The following SPOCK3 variants were observed in gnomAD, a reference collection of about 807,000 sequenced individuals.
SPOCK3 encodes SPARC (osteonectin), cwcv and kazal like domains proteoglycan 3, also known as testican-3.
Under a neutral mutation model 56.6 loss-of-function variants are expected in SPOCK3, and 30 were observed. The ratio of observed to expected loss-of-function variants is 0.53; its 90% CI spans 0.40 to 0.72. The LOEUF (loss-of-function observed/expected upper bound fraction) is 0.72, where lower values mean the gene tolerates loss of function less well. Ranked by LOEUF, SPOCK3 falls within the 30% of genes least tolerant of loss-of-function variation. The probability of loss-of-function intolerance (pLI) is 0.00; values close to 1 mark genes in which losing one functional copy is unlikely to be tolerated. For synonymous variants in SPOCK3, 196 were observed against 183.3 expected (o/e 1.07, Z -0.56); for missense variants, 527 against 530.0 (o/e 0.99, Z 0.06).
At chr4:167,176,478 A>G (rs1292362504) in intron 2 of SPOCK3, among the ~76,000 whole-genome samples, 1 of 152,234 alleles carries the variant, frequency 6.6e-6, no homozygotes, top group Admixed American at 6.5e-5. Flanking sequence ...AGAATTTCAA[A>G]TTGTATGTTT....
chr4:167,088,074 A>G (rs1003260866), intron 2 of SPOCK3, among the ~76,000 whole-genome samples: 2 of 152,202 alleles, frequency 1.3e-5, no homozygotes, highest in African/African-American at 4.8e-5. Flanking sequence ...TAGAAGCAAA[A>G]GTAAAGATGG....
At chr4:166,834,092 G>T (rs558397982) in intron 6 of SPOCK3, among the ~76,000 whole-genome samples, 1 of 152,260 alleles carries the variant, frequency 6.6e-6, no homozygotes, top group South Asian at 2.1e-4. Context: ...AGGGGTGAGA[G>T]AAATGTGTTC....
intron 2 of SPOCK3, among the ~76,000 whole-genome samples, chr4:167,073,772 T>C (rs1466739702): frequency 2.0e-5 from 3 of 151,956 alleles, no homozygotes; most frequent in African/African-American, 7.2e-5. Flanking sequence ...TGATGCATAG[T>C]TGCTATTACC....
chr4:166,873,557 T>C (rs542771241), intron 6 of SPOCK3, among the ~76,000 whole-genome samples: 1 of 152,266 alleles, frequency 6.6e-6, no homozygotes, highest in South Asian at 2.1e-4. Flanking sequence ...GTTGTGAACA[T>C]AAACTGCGGC....
chr4:167,165,354 T>C (rs1356648324), intron 2 of SPOCK3, among the ~76,000 whole-genome samples: 3 of 151,896 alleles, frequency 2.0e-5, no homozygotes, highest in African/African-American at 7.2e-5. Context: ...GGATCTTAAA[T>C]AAATGTACAA....
At chr4:167,130,603 G>A (rs529884177) in intron 2 of SPOCK3, among the ~76,000 whole-genome samples, 1 of 152,036 alleles carries the variant, frequency 6.6e-6, no homozygotes, top group South Asian at 2.1e-4. Flanking sequence ...TCCACCAGCA[G>A]TTTGCAACTA....
At chr4:167,170,842 T>C (rs1461992163) in intron 2 of SPOCK3, among the ~76,000 whole-genome samples, 1 of 152,168 alleles carries the variant, frequency 6.6e-6, no homozygotes, top group East Asian at 1.9e-4. Context: ...AGAGTTCAAG[T>C]GTTTCAACTT....
chr4:166,741,145 G>T (rs564291144), intron 9 of SPOCK3, among the ~76,000 whole-genome samples: 43 of 152,138 alleles, frequency 2.8e-4, no homozygotes, highest in Non-Finnish European at 4.6e-4. Flanking sequence ...TCCGTGAAAA[G>T]AAATATTGCA....
At chr4:167,135,436 CA>C (rs1054558955) in intron 2 of SPOCK3, among the ~76,000 whole-genome samples, 2 of 152,058 alleles carry the variant, frequency 1.3e-5, no homozygotes, top group African/African-American at 2.4e-5. Flanking sequence ...GGATTGTCAT[CA>C]GGGGAAGACA....
chr4:167,063,551 A>G (rs536347411), intron 2 of SPOCK3, among the ~76,000 whole-genome samples: 2 of 152,004 alleles, frequency 1.3e-5, no homozygotes, highest in East Asian at 3.9e-4. Context: ...TATCAATGTA[A>G]GGGGTATAAA....
intron 6 of SPOCK3, among the ~76,000 whole-genome samples, chr4:166,836,568 C>T (rs1195830396): frequency 6.6e-6 from 1 of 152,114 alleles, no homozygotes; most frequent in Non-Finnish European, 1.5e-5. Flanking sequence ...GAATTTACCT[C>T]AGTGAAGATT....
At chr4:166,890,224 C>T (rs942472936) in intron 5 of SPOCK3, among the ~76,000 whole-genome samples, 1 of 151,818 alleles carries the variant, frequency 6.6e-6, no homozygotes, top group Non-Finnish European at 1.5e-5. Context: ...TTCCACCACA[C>T]AGGTAATGGA....
intron 2 of SPOCK3, among the ~76,000 whole-genome samples, chr4:167,107,895 A>C (rs1183450691): frequency 6.6e-6 from 1 of 151,926 alleles, no homozygotes. Flanking sequence ...AAAAGAAGTG[A>C]AAGATTCCTT....
At chr4:167,082,565 G>A (rs1248831466) in intron 2 of SPOCK3, among the ~76,000 whole-genome samples, 1 of 152,010 alleles carries the variant, frequency 6.6e-6, no homozygotes. Flanking sequence ...CAGGCAATAT[G>A]ACTGTTTTAT....
intron 2 of SPOCK3, among the ~76,000 whole-genome samples, chr4:167,131,057 A>C (rs1324531463): frequency 6.6e-6 from 1 of 152,256 alleles, no homozygotes; most frequent in East Asian, 1.9e-4. Flanking sequence ...AATGTATATT[A>C]GTTGAATAAA....
At chr4:166,743,228 C>G (rs564033121) in intron 8 of SPOCK3, among the ~76,000 whole-genome samples, 2 of 152,064 alleles carry the variant, frequency 1.3e-5, no homozygotes, top group Admixed American at 1.3e-4. Flanking sequence ...AATAGTAAAA[C>G]TGCAAAATAA....
At chr4:167,048,728 T>C (rs1158880948) in intron 3 of SPOCK3, among the ~76,000 whole-genome samples, 1 of 152,212 alleles carries the variant, frequency 6.6e-6, no homozygotes, top group African/African-American at 2.4e-5. Flanking sequence ...TCCAGTTAGA[T>C]GCAATCTCAA....
intron 4 of SPOCK3, among the ~76,000 whole-genome samples, chr4:166,918,641 AAC>A (rs201118234): frequency 2.1e-5 from 3 of 145,716 alleles, no homozygotes; most frequent in African/African-American, 7.4e-5. Flanking sequence ...TTCACAAAAA[AAC>A]AATTTTTAAA....
chr4:167,082,882 T>C (rs758578476), intron 2 of SPOCK3, among the ~76,000 whole-genome samples: 10 of 147,630 alleles, frequency 6.8e-5, no homozygotes, highest in Non-Finnish European at 1.0e-4. Flanking sequence ...AGAGAGAGAA[T>C]GGGTATGAGA....
Sources: allele counts gnomAD v4.1 joint callset (sites outside exome capture counted in the v4.1 genomes callset), GRCh38; gene constraint gnomAD v4.1.1; transcripts MANE v1.5; gene names NCBI Gene and HGNC (gene_info 2026-07-23, HGNC 2026-07-21).